PEPD: variants seen among roughly 807,000 people sequenced by gnomAD.
PEPD encodes the protein xaa-Pro dipeptidase.
PEPD carries 53 observed loss-of-function variants against 60.7 expected under a neutral mutation model. That is an observed-to-expected ratio of 0.87 (90% CI 0.70 to 1.10). The LOEUF is 1.10. Ranked by LOEUF, PEPD falls within the 50% of genes least tolerant of loss-of-function variation. The probability of loss-of-function intolerance (pLI) is 0.00; values close to 1 mark genes in which losing one functional copy is unlikely to be tolerated. For synonymous variants in PEPD, 267 were observed against 284.1 expected (o/e 0.94, Z 0.60); for missense variants, 711 against 711.9 (o/e 1.00, Z 0.01).
intron 9 of PEPD, among the ~76,000 whole-genome samples, chr19:33,448,316 T>A (rs1188184452): frequency 2.0e-5 from 3 of 152,102 alleles, no homozygotes; most frequent in African/African-American, 7.2e-5. Flanking sequence ...AGCCACGCCT[T>A]CTCACGGGCA....
intron 9 of PEPD, among the ~76,000 whole-genome samples, chr19:33,447,123 T>A (rs1969608725): frequency 6.6e-6 from 1 of 152,180 alleles, no homozygotes; most frequent in Non-Finnish European, 1.5e-5. Flanking sequence ...CTGAAGGTTG[T>A]GACATGGGAA....
chr19:33,509,588 A>AGCAGAG, intron 3 of PEPD, among the ~76,000 whole-genome samples: 1 of 152,330 alleles, frequency 6.6e-6, no homozygotes, highest in Non-Finnish European at 1.5e-5. Flanking sequence ...CAGAGAGCCC[A>AGCAGAG]GTCCCTGTGG....
intron 12 of PEPD, among the ~76,000 whole-genome samples, chr19:33,397,748 A>G (rs1209903780): frequency 2.6e-5 from 4 of 152,140 alleles, no homozygotes; most frequent in African/African-American, 9.7e-5. Context: ...AGATGAGCCT[A>G]GCTGGATTTG....
At chr19:33,388,445 C>T (rs1968132707) in intron 13 of PEPD, 2 of 443,262 alleles carry the variant, frequency 4.5e-6, no homozygotes, top group Admixed American at 6.7e-5. Context: ...TGGCAGATGC[C>T]AAACCACTGA....
intron 9 of PEPD, among the ~76,000 whole-genome samples, chr19:33,438,171 G>A (rs541481500): frequency 1.3e-5 from 2 of 152,314 alleles, no homozygotes; most frequent in East Asian, 1.9e-4. Flanking sequence ...CAGACCCAGG[G>A]TGCTGGGTTT....
intron 9 of PEPD, among the ~76,000 whole-genome samples, chr19:33,436,613 C>T (rs1005181849): frequency 6.6e-5 from 10 of 152,254 alleles, no homozygotes; most frequent in African/African-American, 2.4e-4. Flanking sequence ...CCACAAATTC[C>T]ACCTTTATGG....
intron 3 of PEPD, among the ~76,000 whole-genome samples, chr19:33,506,499 CACACACCCAT>C (rs1187986637): frequency 8.1e-5 from 12 of 148,170 alleles, no homozygotes; most frequent in Admixed American, 6.1e-4. Flanking sequence ...CACACACCCA[CACACACCCAT>C]ACACACCCTC....
chr19:33,412,306 C>T (rs1236040872), intron 10 of PEPD, among the ~76,000 whole-genome samples: 2 of 152,206 alleles, frequency 1.3e-5, no homozygotes, highest in African/African-American at 4.8e-5. Context: ...ATGATCATGC[C>T]ACCGCACTCC....
intron 11 of PEPD, among the ~76,000 whole-genome samples, chr19:33,403,288 C>T (rs117479640): frequency 0.014 from 2,094 of 152,298 alleles, 22 homozygotes; most frequent in Non-Finnish European, 0.021. Context: ...CCCTGGCTGG[C>T]GGAGGCTGGT....
intron 9 of PEPD, among the ~76,000 whole-genome samples, chr19:33,442,270 G>A (rs1969492092): frequency 6.6e-6 from 1 of 152,162 alleles, no homozygotes. Flanking sequence ...CATGGTGGAG[G>A]GTGGGGGGCA....
At chr19:33,412,240 A>G (rs1968794204) in intron 10 of PEPD, among the ~76,000 whole-genome samples, 1 of 152,222 alleles carries the variant, frequency 6.6e-6, no homozygotes, top group Admixed American at 6.5e-5. Flanking sequence ...CCAGTTACTC[A>G]GGAGGCTGAG....
intron 3 of PEPD, among the ~76,000 whole-genome samples, chr19:33,507,138 G>A (rs1373552562): frequency 1.3e-5 from 2 of 152,164 alleles, no homozygotes. Flanking sequence ...ATGGCCCTGG[G>A]AAGGCTGAGC....
chr19:33,393,471 A>T (rs1327053204), intron 12 of PEPD, among the ~76,000 whole-genome samples: 2 of 148,122 alleles, frequency 1.4e-5, no homozygotes, highest in Non-Finnish European at 3.0e-5. Flanking sequence ...ACTGCAGCCC[A>T]CTTGGCCGCT....
In PEPD at chr19:33,512,597, C is replaced by A. The variant is rs753859371; in HGVS notation, c.197G>T (p.Arg66Leu). ...RYCTDTGVLFRQESFFHWAFG... is the reference protein window; with the variant it reads ...RYCTDTGVLFLQESFFHWAFG... ...TGGCCAAGCGGGGAGGCTCACCTGG[C>A]GGAAGAGGACCCCGGTGTCGGTGCA... The change falls in exon 2 of 15, where the codon CGC becomes CTC. Residue 66 changes from arginine to leucine, a missense_variant. Arg to Leu is a moderately radical substitution (Grantham distance 102). Coordinates refer to ENST00000244137, the MANE Select transcript of PEPD (RefSeq NM_000285.4). 1.9e-6 allele frequency: 3 copies of A among 1,613,314 alleles called. No homozygotes were observed. Among genetic ancestry groups the A allele is most frequent in the Admixed American group, 1.7e-5 (1 of 60,012 alleles).
intron 5 of PEPD, among the ~76,000 whole-genome samples, chr19:33,491,694 T>C (rs1468791684): frequency 6.6e-6 from 1 of 152,018 alleles, no homozygotes; most frequent in African/African-American, 2.4e-5. Context: ...GCTAGCAACT[T>C]AGAACTTTTT....
At chr19:33,389,129 A>G (rs979527360) in intron 13 of PEPD, 1 of 152,316 alleles carries the variant, frequency 6.6e-6, no homozygotes, top group African/African-American at 2.4e-5. Context: ...AGGTAACCAG[A>G]AACAGGCTGG....
chr19:33,405,259 G>A (rs1263548374), intron 11 of PEPD, among the ~76,000 whole-genome samples: 1 of 152,226 alleles, frequency 6.6e-6, no homozygotes, highest in African/African-American at 2.4e-5. Context: ...CCCAGAGGCA[G>A]AAGGCCTCCA....
At chr19:33,457,685 T>C (rs991218684) in intron 9 of PEPD, among the ~76,000 whole-genome samples, 2 of 152,222 alleles carry the variant, frequency 1.3e-5, no homozygotes, top group African/African-American at 4.8e-5. Context: ...TAATTTTTTG[T>C]ATTTTTAGTA....
chr19:33,479,364 G>T (rs1970275071), intron 6 of PEPD, among the ~76,000 whole-genome samples: 1 of 151,424 alleles, frequency 6.6e-6, no homozygotes, highest in Non-Finnish European at 1.5e-5. Flanking sequence ...AGATGTAAAT[G>T]GATTAAATTC....
Sources: allele counts gnomAD v4.1 joint callset (sites outside exome capture counted in the v4.1 genomes callset), GRCh38; gene constraint gnomAD v4.1.1; transcripts MANE v1.5; gene names NCBI Gene and HGNC (gene_info 2026-07-23, HGNC 2026-07-21).